The following CEP112 variants were observed in gnomAD, a reference collection of about 807,000 sequenced individuals.
CEP112 encodes centrosomal protein of 112 kDa.
CEP112 carries 127 observed loss-of-function variants against 153.0 expected under a neutral mutation model. That is an observed-to-expected ratio of 0.83 (90% CI 0.72 to 0.96). The LOEUF is 0.96. Ranked by LOEUF, CEP112 falls within the 40% of genes least tolerant of loss-of-function variation. The probability of loss-of-function intolerance (pLI) is 0.00; values close to 1 mark genes in which losing one functional copy is unlikely to be tolerated. For synonymous variants in CEP112, 358 were observed against 374.4 expected (o/e 0.96, Z 0.51); for missense variants, 1,089 against 1,101.2 (o/e 0.99, Z 0.16).
At chr17:66,122,877 C>T (rs1731449305) in intron 6 of CEP112, among the ~76,000 whole-genome samples, 1 of 152,176 alleles carries the variant, frequency 6.6e-6, no homozygotes, top group African/African-American at 2.4e-5. Context: ...GTTTAGCTTA[C>T]TGCTGTTAAT....
intron 4 of CEP112, among the ~76,000 whole-genome samples, chr17:66,135,189 T>A (rs953246510): frequency 6.6e-6 from 1 of 152,178 alleles, no homozygotes; most frequent in Non-Finnish European, 1.5e-5. Context: ...TGGAGAGGCA[T>A]TGCAGAAGCC....
chr17:65,828,947 G>A (rs1313332126), intron 21 of CEP112, among the ~76,000 whole-genome samples: 3 of 151,596 alleles, frequency 2.0e-5, no homozygotes, highest in Non-Finnish European at 4.4e-5. Context: ...CAAAAGATAG[G>A]GATATTTTTA....
chr17:66,168,219 T>C (rs549190666), intron 4 of CEP112, among the ~76,000 whole-genome samples: 40 of 152,194 alleles, frequency 2.6e-4, no homozygotes, highest in African/African-American at 8.4e-4. Context: ...TAACCACCTT[T>C]AACAGTTTCA....
At chr17:65,809,848 G>A (rs185329331) in intron 21 of CEP112, among the ~76,000 whole-genome samples, 325 of 150,008 alleles carry the variant, frequency 2.2e-3, no homozygotes, top group South Asian at 8.2e-3. Flanking sequence ...CTGAGTAAAG[G>A]AAGTGGGGGG....
In CEP112 at chr17:66,066,877, T is replaced by G. The variant is rs2067140842; in HGVS notation, c.856A>C (p.Ile286Leu). ...ATTTCATTATTCTTTCTTTCTAAAA[T>G]CTGCAAATAAATTTAAAATATTTCA... ...QQKHDADVQK[I>L]LERKNNEIEE... is the part of the protein sequence containing the mutation. Residue 286 changes from isoleucine (I) to leucine (L), a missense_variant and splice_region_variant, in exon 10 of 27, where the codon ATT becomes CTT. By Grantham distance (5) the Ile-to-Leu change is conservative (BLOSUM62 2). Transcript: ENST00000535342. 2 of 1,516,438 alleles carry G rather than the reference T, an allele frequency of 1.3e-6. No homozygotes were observed. The highest frequency in any genetic ancestry group is 2.8e-5 in the African/African-American group (2 of 70,530). 93.9% of individuals were successfully genotyped at this position (1,516,438 alleles called of 1,614,324 possible). A position where few individuals can be genotyped will look rare whatever the true frequency, so the allele number is the denominator to read the frequency against.
chr17:65,835,263 A>G (rs2057257609), intron 21 of CEP112, among the ~76,000 whole-genome samples: 1 of 151,884 alleles, frequency 6.6e-6, no homozygotes, highest in African/African-American at 2.4e-5. Context: ...AGAAATTCCC[A>G]AGACAGAAAA....
chr17:65,850,827 C>T (rs866442595), intron 21 of CEP112, among the ~76,000 whole-genome samples: 2 of 152,220 alleles, frequency 1.3e-5, no homozygotes, highest in African/African-American at 4.8e-5. Context: ...ACTTTCCCTG[C>T]TGTTCTGCCA....
At chr17:65,785,865 C>T (rs1359571628) in intron 21 of CEP112, among the ~76,000 whole-genome samples, 2 of 151,888 alleles carry the variant, frequency 1.3e-5, no homozygotes, top group Non-Finnish European at 2.9e-5. Flanking sequence ...AGAGGTTGAG[C>T]TTTACTCTTT....
intron 21 of CEP112, chr17:65,826,631 T>TA (rs1360166766): frequency 2.0e-6 from 2 of 1,020,164 alleles, no homozygotes; most frequent in Non-Finnish European, 2.5e-6. Flanking sequence ...AAAGATGCCC[T>TA]AGGACTTAGG....
chr17:65,727,435 G>A (rs2050243297), intron 23 of CEP112, among the ~76,000 whole-genome samples: 1 of 152,186 alleles, frequency 6.6e-6, no homozygotes, highest in Non-Finnish European at 1.5e-5. Flanking sequence ...GACTGAAGCT[G>A]AGAGCCTTTT....
chr17:65,736,102 A>C (rs182412528), intron 23 of CEP112, among the ~76,000 whole-genome samples: 1 of 152,284 alleles, frequency 6.6e-6, no homozygotes, highest in East Asian at 1.9e-4. Flanking sequence ...GTGCTAGGCA[A>C]GGTCAAAGAT....
intron 17 of CEP112, among the ~76,000 whole-genome samples, chr17:65,971,238 A>C (rs12601468): frequency 6.6e-6 from 1 of 151,854 alleles, no homozygotes; most frequent in African/African-American, 2.4e-5. Context: ...CATACGTGCA[A>C]AACATGCACA....
chr17:65,808,203 GC>G (rs1394697497), intron 21 of CEP112, among the ~76,000 whole-genome samples: 2 of 152,204 alleles, frequency 1.3e-5, no homozygotes, highest in Non-Finnish European at 2.9e-5. Flanking sequence ...GGGTCCTCTA[GC>G]CCTTTTCTTT....
intron 23 of CEP112, among the ~76,000 whole-genome samples, chr17:65,723,842 G>A (rs1418931195): frequency 6.6e-6 from 1 of 152,192 alleles, no homozygotes; most frequent in African/African-American, 2.4e-5. Flanking sequence ...AAGCTCTCGA[G>A]TCTAATTTAT....
At chr17:65,810,666 G>C (rs1286759401) in intron 21 of CEP112, among the ~76,000 whole-genome samples, 1 of 151,416 alleles carries the variant, frequency 6.6e-6, no homozygotes, top group East Asian at 1.9e-4. Context: ...AGAATAATTT[G>C]GCATACGTGA....
At chr17:65,792,581 C>T (rs897925380) in intron 21 of CEP112, among the ~76,000 whole-genome samples, 14 of 10,666 alleles carry the variant, frequency 1.3e-3, no homozygotes, top group Non-Finnish European at 2.6e-3. Context: ...GCTAAAAACT[C>T]TTTAAAAAAA....
rs74385104 is a variant in CEP112 at position 65,827,353 on chromosome 17, C to T, written c.2394+24451G>A. Among the ~76,000 whole-genome samples the T allele has an allele frequency of 1.1e-4, 17 of 152,294 alleles. No homozygotes were observed. The East Asian group carries it at 2.7e-3, about 24-fold the overall frequency. On this transcript the variant is annotated intron_variant, in intron 21 of 26. Coordinates refer to ENST00000535342, the MANE Select transcript of CEP112 (RefSeq NM_001199165.4). ...CCTCTAGAGAACCCTGACTAACACA[C>T]GAAGCTTATCTATGGCTTACTTTCT...
At chr17:65,972,039 T>C (rs926198163) in intron 17 of CEP112, among the ~76,000 whole-genome samples, 2 of 152,188 alleles carry the variant, frequency 1.3e-5, no homozygotes, top group Non-Finnish European at 2.9e-5. Context: ...TGAAGAACAC[T>C]ATCAAGCAGC....
At chr17:65,937,521 T>A (rs1185850112) in intron 18 of CEP112, among the ~76,000 whole-genome samples, 4 of 136,958 alleles carry the variant, frequency 2.9e-5, no homozygotes, top group East Asian at 2.5e-4. Context: ...GTCTGAGAAG[T>A]GAGGAGCCCC....
Sources: allele counts gnomAD v4.1 joint callset (sites outside exome capture counted in the v4.1 genomes callset), GRCh38; gene constraint gnomAD v4.1.1; transcripts MANE v1.5; gene names NCBI Gene and HGNC (gene_info 2026-07-23, HGNC 2026-07-21).